Variants in NRCAM observed in about 807,000 individuals in gnomAD.
NRCAM encodes the protein NgCAM-related cell adhesion molecule.
In NRCAM, 83 loss-of-function variants were observed where a neutral mutation model predicts 156.5. The ratio of observed to expected loss-of-function variants is 0.53; its 90% confidence interval spans 0.44 to 0.64. NRCAM has a LOEUF of 0.64. Among genes scored for constraint, NRCAM ranks in the 30% least tolerant of loss-of-function variants. The pLI is 0.00. For missense variants in NRCAM, 1,417 were observed against 1,597.3 expected, an observed-to-expected ratio of 0.89 and a Z score of 1.92; for synonymous variants, 538 against 563.9, an observed-to-expected ratio of 0.95 and a Z score of 0.65.
At chr7:108,410,874 C>T (rs1349509454) in intron 1 of NRCAM, among the ~76,000 whole-genome samples, 4 of 152,130 alleles carry the variant, frequency 2.6e-5, no homozygotes, top group African/African-American at 9.7e-5. Flanking sequence ...AAGAAAAACG[C>T]CTTGTTTGCT....
At chr7:108,348,385 G>A (rs1464459024) in intron 2 of NRCAM, among the ~76,000 whole-genome samples, 1 of 152,096 alleles carries the variant, frequency 6.6e-6, no homozygotes. Flanking sequence ...TGTGAGGGAG[G>A]AGTCAGAAAT....
At chr7:108,375,136 A>T (rs955029022) in intron 2 of NRCAM, among the ~76,000 whole-genome samples, 3 of 152,118 alleles carry the variant, frequency 2.0e-5, no homozygotes, top group Non-Finnish European at 2.9e-5. Context: ...ATTTTGACTG[A>T]GGAGCCCCTA....
chr7:108,452,478 G>A (rs567911977), intron 1 of NRCAM, among the ~76,000 whole-genome samples: 57 of 152,152 alleles, frequency 3.7e-4, no homozygotes, highest in African/African-American at 1.3e-3. Context: ...CTTTTCATTT[G>A]CCAAGGCAGT....
At chr7:108,392,400 C>T (rs529264452) in intron 2 of NRCAM, among the ~76,000 whole-genome samples, 2 of 152,286 alleles carry the variant, frequency 1.3e-5, no homozygotes, top group South Asian at 2.1e-4. Context: ...ACGTAGTTCT[C>T]GTGCCATGGT....
chr7:108,159,105 C>T (rs1266902170), intron 32 of NRCAM, among the ~76,000 whole-genome samples: 1 of 152,228 alleles, frequency 6.6e-6, no homozygotes, highest in Admixed American at 6.5e-5. Context: ...TAGAAGATAA[C>T]AAGTATAGCT....
chr7:108,185,715 C>CA (rs1212781254), intron 20 of NRCAM, among the ~76,000 whole-genome samples: 2 of 103,532 alleles, frequency 1.9e-5, no homozygotes, highest in Non-Finnish European at 3.9e-5. Flanking sequence ...AACCCTGTCT[C>CA]AAAAAAGAGA....
chr7:108,196,310 G>A (rs188942731), intron 14 of NRCAM, among the ~76,000 whole-genome samples: 2 of 152,160 alleles, frequency 1.3e-5, no homozygotes, highest in East Asian at 3.9e-4. Flanking sequence ...TGGAACCACA[G>A]CAACAAAAAC....
At chr7:108,437,780 T>C (rs1833966414) in intron 1 of NRCAM, among the ~76,000 whole-genome samples, 1 of 152,128 alleles carries the variant, frequency 6.6e-6, no homozygotes, top group Non-Finnish European at 1.5e-5. Flanking sequence ...GGAGTATTCA[T>C]ACATATGTAA....
chr7:108,369,050 A>T (rs1042247349), intron 2 of NRCAM, among the ~76,000 whole-genome samples: 7 of 152,214 alleles, frequency 4.6e-5, no homozygotes, highest in African/African-American at 1.7e-4. Flanking sequence ...ATTCTATATA[A>T]TTCTCTTTGT....
intron 3 of NRCAM, among the ~76,000 whole-genome samples, chr7:108,287,275 A>T (rs995019833): frequency 3.9e-5 from 6 of 152,094 alleles, no homozygotes; most frequent in Admixed American, 2.0e-4. Context: ...TAGTCAAAGA[A>T]TTTATGACTA....
chr7:108,156,956 C>G (rs2045866392), intron 32 of NRCAM, among the ~76,000 whole-genome samples: 1 of 151,874 alleles, frequency 6.6e-6, no homozygotes, highest in Admixed American at 6.6e-5. Flanking sequence ...GAAAATAAAC[C>G]AAAGGGAAAA....
At chr7:108,240,698 C>T (rs1248018564) in intron 3 of NRCAM, among the ~76,000 whole-genome samples, 4 of 152,134 alleles carry the variant, frequency 2.6e-5, no homozygotes, top group Non-Finnish European at 2.9e-5. Flanking sequence ...GCTCTGAGTT[C>T]GGGCCTTCCT....
At chr7:108,258,501 T>G (rs745337402) in intron 3 of NRCAM, among the ~76,000 whole-genome samples, 12 of 152,158 alleles carry the variant, frequency 7.9e-5, no homozygotes, top group Non-Finnish European at 1.6e-4. Context: ...TATAAGGACA[T>G]GAAGCCCAAA....
chr7:108,373,529 C>T (rs544743148), intron 2 of NRCAM, among the ~76,000 whole-genome samples: 20 of 152,240 alleles, frequency 1.3e-4, no homozygotes, highest in African/African-American at 4.8e-4. Context: ...GTAGCTGCTC[C>T]CCCTACAATG....
chr7:108,350,328 C>T (rs1258602576), intron 2 of NRCAM, among the ~76,000 whole-genome samples: 1 of 152,184 alleles, frequency 6.6e-6, no homozygotes, highest in Non-Finnish European at 1.5e-5. Flanking sequence ...CTTCTGGGAA[C>T]AGTGATGGCT....
chr7:108,369,749 T>C (rs967410726), intron 2 of NRCAM, among the ~76,000 whole-genome samples: 4 of 152,142 alleles, frequency 2.6e-5, no homozygotes, highest in African/African-American at 7.2e-5. Flanking sequence ...TTAGTTAACC[T>C]GTTATCTTAT....
intron 1 of NRCAM, among the ~76,000 whole-genome samples, chr7:108,413,764 T>G (rs1038261270): frequency 9.2e-5 from 14 of 152,312 alleles, no homozygotes; most frequent in South Asian, 6.2e-4. Context: ...CCAATAGAAA[T>G]TCATTTGGTG....
intron 1 of NRCAM, among the ~76,000 whole-genome samples, chr7:108,445,840 T>C (rs568450093): frequency 1.3e-5 from 2 of 152,286 alleles, no homozygotes; most frequent in East Asian, 3.9e-4. Context: ...ACTAACTAGT[T>C]ACGAAAGGCC....
intron 3 of NRCAM, among the ~76,000 whole-genome samples, chr7:108,297,364 C>T (rs967024546): frequency 1.3e-5 from 2 of 152,198 alleles, no homozygotes; most frequent in African/African-American, 4.8e-5. Context: ...CTCCTGCTAG[C>T]AGAATTTGTG....
Sources: allele counts gnomAD v4.1 joint callset (sites outside exome capture counted in the v4.1 genomes callset), GRCh38; gene constraint gnomAD v4.1.1; transcripts MANE v1.5; gene names NCBI Gene and HGNC (gene_info 2026-07-23, HGNC 2026-07-21).